Variants in ADGRL3 observed in about 807,000 individuals in gnomAD.
ADGRL3 encodes the protein calcium-independent alpha-latrotoxin receptor 3.
Under a neutral mutation model 153.5 loss-of-function variants are expected in ADGRL3, and 62 were observed. That is an observed-to-expected ratio of 0.40 (90% CI 0.33 to 0.50). The LOEUF (loss-of-function observed/expected upper bound fraction) is 0.50, where lower values mean the gene tolerates loss of function less well. Among genes scored for constraint, ADGRL3 ranks in the 20% least tolerant of loss-of-function variants. The pLI, the probability that ADGRL3 is intolerant of heterozygous loss-of-function variation, is 0.47. For missense variants in ADGRL3, 1,641 were observed against 1,859.4 expected (o/e 0.88, Z 2.16); for synonymous variants, 710 against 672.5 (o/e 1.06, Z -0.86).
intron 2 of ADGRL3, among the ~76,000 whole-genome samples, chr4:61,466,056 A>T (rs1166962786): frequency 6.6e-6 from 1 of 151,868 alleles, no homozygotes; most frequent in East Asian, 1.9e-4. Flanking sequence ...CGGGAGGCGG[A>T]TGTTGCAGTG....
At chr4:61,747,000 A>T (rs1163488393) in intron 8 of ADGRL3, among the ~76,000 whole-genome samples, 1 of 152,196 alleles carries the variant, frequency 6.6e-6, no homozygotes, top group African/African-American at 2.4e-5. Flanking sequence ...GATCAAATAG[A>T]TGCAATAAAA....
intron 3 of ADGRL3, among the ~76,000 whole-genome samples, chr4:61,510,329 C>G (rs1043313789): frequency 6.6e-6 from 1 of 152,020 alleles, no homozygotes; most frequent in African/African-American, 2.4e-5. Context: ...TAAATTCTTT[C>G]TTAAGGCTGA....
intron 3 of ADGRL3, among the ~76,000 whole-genome samples, chr4:61,513,836 A>G (rs1208466078): frequency 6.6e-6 from 1 of 152,156 alleles, no homozygotes; most frequent in Non-Finnish European, 1.5e-5. Context: ...AAAGAACAAG[A>G]TGCATTGACC....
In ADGRL3 at chr4:61,277,490, T is replaced by C. The variant is rs572860330; in HGVS notation, c.-240+75725T>C. ...ATGTCATATTTACTTATTTAAATAC[T>C]CTTTTTTTGGTCAAGGTTTAAATAA... is the stretch of plus-strand genomic sequence containing the variant. On this transcript the variant is annotated intron_variant, in intron 1 of 26. Coordinates refer to ENST00000683033, the MANE Select transcript of ADGRL3 (RefSeq NM_001387552.1). Among the ~76,000 whole-genome samples, 14 of 152,304 alleles carry C rather than the reference T, an allele frequency of 9.2e-5. No individual in the cohort carries two copies. The South Asian group carries it at 2.9e-3, about 32-fold the overall frequency.
chr4:61,439,070 ACTGAG>A (rs1421647649), intron 2 of ADGRL3, among the ~76,000 whole-genome samples: 1 of 152,162 alleles, frequency 6.6e-6, no homozygotes, highest in Admixed American at 6.5e-5. Context: ...AAAAAAAGAT[ACTGAG>A]CTAAGTATAT....
chr4:61,646,811 T>C (rs11937063), intron 5 of ADGRL3, among the ~76,000 whole-genome samples: 70 of 152,202 alleles, frequency 4.6e-4, no homozygotes, highest in Non-Finnish European at 9.0e-4. Flanking sequence ...CCACCCAGTT[T>C]GAGCTTCCCA....
chr4:61,741,035 G>T (rs966850101), intron 8 of ADGRL3, among the ~76,000 whole-genome samples: 4 of 152,130 alleles, frequency 2.6e-5, no homozygotes, highest in Non-Finnish European at 4.4e-5. Flanking sequence ...TGATGAATAA[G>T]AACTTTAAAC....
rs1434656953 is a variant in ADGRL3, at chr4:61,200,632, C to T, written c.-1373C>T. On this transcript the variant is annotated 5_prime_UTR_variant, in exon 1 of 27. Transcript: ENST00000683033. ...CTCCCCTTTCTTTCTTCTCTTTTTG[C>T]CTTGGTCCTCTTCCTACGGGTGTGC... Among the ~76,000 whole-genome samples, 1 of 151,768 alleles carries T rather than the reference C, an allele frequency of 6.6e-6. No homozygotes were observed. The highest frequency in any genetic ancestry group is 2.4e-5 in the African/African-American group (1 of 41,312).
chr4:61,548,278 G>C (rs1284760411), intron 4 of ADGRL3, among the ~76,000 whole-genome samples: 1 of 152,000 alleles, frequency 6.6e-6, no homozygotes, highest in Non-Finnish European at 1.5e-5. Context: ...AAGCTCTTTA[G>C]TTTAATTAGG....
Position 61,774,628 on chromosome 4 carries a change from C to T in ADGRL3, c.1400-39181C>T, listed in dbSNP as rs1355937446. ...TCCCCGAGAAGATCAGGAACCAATACTATGTGGATACAGAAAGATGACTGT... is the reference window on the plus strand; with the variant it reads ...TCCCCGAGAAGATCAGGAACCAATATTATGTGGATACAGAAAGATGACTGT... On this transcript the variant is annotated intron_variant, in intron 8 of 26. Transcript: ENST00000683033. 3.3e-5 allele frequency among the ~76,000 whole-genome samples: 5 copies of T among 151,860 alleles called. No individual in the cohort carries two copies. In the East Asian group the frequency reaches 9.7e-4, roughly 29 times the overall value.
chr4:61,995,133 G>A (rs2099117356), intron 19 of ADGRL3, among the ~76,000 whole-genome samples: 2 of 151,530 alleles, frequency 1.3e-5, no homozygotes, highest in South Asian at 4.2e-4. Context: ...CAAACTGCTG[G>A]GCTCTAGTGA....
At chr4:61,641,874 A>G (rs942692958) in intron 5 of ADGRL3, among the ~76,000 whole-genome samples, 4 of 148,254 alleles carry the variant, frequency 2.7e-5, no homozygotes, top group Admixed American at 6.8e-5. Context: ...TGACTTCCAC[A>G]ATGGTTGAAC....
intron 21 of ADGRL3, among the ~76,000 whole-genome samples, chr4:62,017,571 TTAA>T (rs1343962164): frequency 6.6e-6 from 1 of 152,084 alleles, no homozygotes; most frequent in Non-Finnish European, 1.5e-5. Flanking sequence ...AATAGCTTAT[TTAA>T]GGCTTTTAAC....
intron 8 of ADGRL3, among the ~76,000 whole-genome samples, chr4:61,777,447 C>A (rs2097166416): frequency 6.6e-6 from 1 of 152,094 alleles, no homozygotes; most frequent in African/African-American, 2.4e-5. Flanking sequence ...TTTAATGGTA[C>A]TAAATGTTTG....
chr4:61,694,179 A>ATTTTTTTTTTTTTTTT (rs554084495), intron 6 of ADGRL3, among the ~76,000 whole-genome samples: 2 of 26,704 alleles, frequency 7.5e-5, no homozygotes, highest in Non-Finnish European at 1.4e-4. Flanking sequence ...TTTTGTCATT[A>ATTTTTTTTTTTTTTTT]TTTTTTTTTT....
intron 23 of ADGRL3, among the ~76,000 whole-genome samples, chr4:62,036,474 T>C (rs1725073485): frequency 6.6e-6 from 1 of 152,138 alleles, no homozygotes. Flanking sequence ...ACTCAATAAA[T>C]GTGAGTTCTT....
rs562933764 is a variant in ADGRL3 at position 61,466,017 on chromosome 4, G to A, written c.-173-31104G>A. Among the ~76,000 whole-genome samples the A allele has an allele frequency of 7.3e-4, 111 of 151,840 alleles. 1 individual carries two copies. The highest frequency in any genetic ancestry group is 2.6e-3 in the African/African-American group (109 of 41,466). Reference sequence around the variant, plus strand: ...TGTACTTGTAATCCCAGCTACTCAGGAGGCTGAGACAGGAGAATCACTTGA... The same window carrying A: ...TGTACTTGTAATCCCAGCTACTCAGAAGGCTGAGACAGGAGAATCACTTGA... On this transcript the variant is annotated intron_variant, in intron 2 of 26. Transcript: ENST00000683033.
At chr4:61,618,876 G>A (rs960282314) in intron 5 of ADGRL3, among the ~76,000 whole-genome samples, 3 of 151,976 alleles carry the variant, frequency 2.0e-5, no homozygotes, top group Admixed American at 6.6e-5. Context: ...GCCACAATAC[G>A]CAGCTAATTT....
At chr4:61,636,639 C>T (rs572582408) in intron 5 of ADGRL3, among the ~76,000 whole-genome samples, 29 of 151,860 alleles carry the variant, frequency 1.9e-4, no homozygotes, top group South Asian at 1.2e-3. Context: ...TTACCAGATA[C>T]GTATGTAGTG....
Sources: gnomAD v4.1 joint callset for allele counts (sites outside exome capture counted in the v4.1 genomes callset) on GRCh38, gnomAD v4.1.1 for gene constraint, MANE v1.5 for transcripts, NCBI Gene and HGNC (gene_info 2026-07-23, HGNC 2026-07-21) for gene names.